AUTS2: variants seen among roughly 807,000 people sequenced by gnomAD.
AUTS2 encodes the protein autism susceptibility gene 2 protein.
AUTS2 carries 17 observed loss-of-function variants against 112.4 expected under a neutral mutation model. The observed-to-expected ratio is 0.15, with a 90% confidence interval of 0.10 to 0.23. The LOEUF (loss-of-function observed/expected upper bound fraction) is 0.23. Among genes scored for constraint, AUTS2 ranks in the 10% least tolerant of loss-of-function variants. AUTS2 has a pLI of 1.00. For synonymous variants in AUTS2, 751 were observed against 702.7 expected (o/e 1.07, Z -1.09); for missense variants, 1,510 against 1,701.6 (o/e 0.89, Z 1.98).
At chr7:70,360,735 G>A (rs1792222859) in intron 4 of AUTS2, among the ~76,000 whole-genome samples, 1 of 152,140 alleles carries the variant, frequency 6.6e-6, no homozygotes, top group Non-Finnish European at 1.5e-5. Context: ...AACAGAGCCA[G>A]GACCAGTGAG....
chr7:70,456,371 C>A (rs766525551), intron 5 of AUTS2, among the ~76,000 whole-genome samples: 3 of 152,214 alleles, frequency 2.0e-5, no homozygotes, highest in African/African-American at 7.2e-5. Context: ...TGATACTCAC[C>A]GTAATAACAT....
intron 1 of AUTS2, among the ~76,000 whole-genome samples, chr7:69,839,192 G>A (rs1791860664): frequency 6.6e-6 from 1 of 152,196 alleles, no homozygotes; most frequent in Non-Finnish European, 1.5e-5. Flanking sequence ...CATGCCCAGA[G>A]GACAGTGAAT....
chr7:70,625,350 C>G (rs1390207134), intron 5 of AUTS2, among the ~76,000 whole-genome samples: 1 of 152,060 alleles, frequency 6.6e-6, no homozygotes, highest in Admixed American at 6.6e-5. Context: ...AGTTATTTCC[C>G]GACTTACAGC....
chr7:70,343,181 C>G (rs1250659779), intron 4 of AUTS2, among the ~76,000 whole-genome samples: 1 of 152,098 alleles, frequency 6.6e-6, no homozygotes, highest in Non-Finnish European at 1.5e-5. Context: ...AATATTTTAG[C>G]TTTGCTTATG....
rs531441793 is a variant in AUTS2 at position 70,546,117 on chromosome 7, A to G, written c.690+110336A>G. Among the ~76,000 whole-genome samples, 3 of 152,348 alleles carry G rather than the reference A, an allele frequency of 2.0e-5. No homozygotes were observed. The South Asian group carries it at 6.2e-4, about 32-fold the overall frequency. ...GAAAATTAACAAAATTAAAATTTACATATAGATCAGTGAAAACACTGCTAC... is the reference window on the plus strand; with the variant it reads ...GAAAATTAACAAAATTAAAATTTACGTATAGATCAGTGAAAACACTGCTAC... On this transcript the variant is annotated intron_variant, in intron 5 of 18. Coordinates refer to ENST00000342771, the MANE Select transcript of AUTS2 (RefSeq NM_015570.4).
At chr7:70,012,954 G>A (rs1271414545) in intron 2 of AUTS2, among the ~76,000 whole-genome samples, 2 of 152,174 alleles carry the variant, frequency 1.3e-5, no homozygotes, top group Admixed American at 6.5e-5. Context: ...ATGTATGTGT[G>A]TTTTGGGGGT....
intron 1 of AUTS2, among the ~76,000 whole-genome samples, chr7:69,744,645 C>T (rs1036689089): frequency 2.7e-5 from 4 of 148,148 alleles, no homozygotes; most frequent in African/African-American, 1.0e-4. Flanking sequence ...CCAGTCTGGA[C>T]TACAAATCAA....
intron 1 of AUTS2, among the ~76,000 whole-genome samples, chr7:69,897,526 A>C (rs139798460): frequency 0.015 from 2,193 of 147,362 alleles, 21 homozygotes; most frequent in Non-Finnish European, 0.024. Flanking sequence ...GATCCAGTCA[A>C]CTCCCAAAGT....
intron 6 of AUTS2, among the ~76,000 whole-genome samples, chr7:70,757,537 G>T (rs1041935711): frequency 2.0e-5 from 3 of 152,056 alleles, no homozygotes; most frequent in Non-Finnish European, 4.4e-5. Flanking sequence ...TGGGAGGGGA[G>T]GTGAAGGTTT....
chr7:70,178,771 C>T (rs546436790), intron 4 of AUTS2, among the ~76,000 whole-genome samples: 173 of 152,052 alleles, frequency 1.1e-3, no homozygotes, highest in Non-Finnish European at 2.1e-3. Context: ...CTCACTCCAA[C>T]CTGGGCGACA....
At chr7:70,342,167 G>C (rs184499627) in intron 4 of AUTS2, among the ~76,000 whole-genome samples, 58 of 152,144 alleles carry the variant, frequency 3.8e-4, no homozygotes, top group Admixed American at 2.1e-3. Flanking sequence ...TCATCTGTAG[G>C]CACCACATTC....
chr7:70,104,250 TTTTTC>T (rs1350564785), intron 2 of AUTS2, among the ~76,000 whole-genome samples: 1 of 152,234 alleles, frequency 6.6e-6, no homozygotes, highest in African/African-American at 2.4e-5. Flanking sequence ...CATAAGTTGT[TTTTTC>T]TTTTTTTTTT....
At chr7:70,593,904 C>G (rs539416371) in intron 5 of AUTS2, among the ~76,000 whole-genome samples, 3 of 152,220 alleles carry the variant, frequency 2.0e-5, no homozygotes, top group Non-Finnish European at 4.4e-5. Flanking sequence ...GAGCAGGAGA[C>G]TTCAGTCCAG....
chr7:70,661,706 T>A (rs1807083069), intron 5 of AUTS2, among the ~76,000 whole-genome samples: 1 of 151,904 alleles, frequency 6.6e-6, no homozygotes, highest in Admixed American at 6.6e-5. Flanking sequence ...TTAGAACAAA[T>A]CTGTAGATCT....
intron 1 of AUTS2, among the ~76,000 whole-genome samples, chr7:69,761,613 A>G (rs1232951907): frequency 6.6e-6 from 1 of 152,162 alleles, no homozygotes; most frequent in Non-Finnish European, 1.5e-5. Context: ...GTGACAGGAC[A>G]TGGATTTGAA....
intron 2 of AUTS2, among the ~76,000 whole-genome samples, chr7:69,996,743 A>T (rs1798958320): frequency 6.6e-6 from 1 of 152,084 alleles, no homozygotes; most frequent in Non-Finnish European, 1.5e-5. Context: ...TATATCTTTA[A>T]TAAATACTCC....
intron 1 of AUTS2, among the ~76,000 whole-genome samples, chr7:69,780,683 AGT>A (rs1160722370): frequency 2.6e-5 from 4 of 152,162 alleles, no homozygotes; most frequent in Non-Finnish European, 2.9e-5. Flanking sequence ...TCTGTATTAG[AGT>A]GTGGTGGTAG....
At chr7:70,259,213 G>A (rs942605163) in intron 4 of AUTS2, among the ~76,000 whole-genome samples, 15 of 151,722 alleles carry the variant, frequency 9.9e-5, no homozygotes, top group African/African-American at 2.9e-4. Context: ...CTTCCTTCTG[G>A]TACCAAATAC....
chr7:70,222,723 C>A (rs1811550292), intron 4 of AUTS2, among the ~76,000 whole-genome samples: 1 of 151,776 alleles, frequency 6.6e-6, no homozygotes, highest in Admixed American at 6.6e-5. Context: ...CTTTTAGAAG[C>A]CCCCAAAGTG....
Sources: gnomAD v4.1 joint callset for allele counts (sites outside exome capture counted in the v4.1 genomes callset) on GRCh38, gnomAD v4.1.1 for gene constraint, MANE v1.5 for transcripts, NCBI Gene and HGNC (gene_info 2026-07-23, HGNC 2026-07-21) for gene names.